DPP10: variants seen among roughly 807,000 people sequenced by gnomAD.
DPP10 encodes the protein inactive dipeptidyl peptidase 10.
DPP10 carries 33 observed loss-of-function variants against 120.9 expected under a neutral mutation model. The ratio of observed to expected loss-of-function variants is 0.27; its 90% confidence interval spans 0.21 to 0.37. DPP10 has a LOEUF of 0.37. Ranked by LOEUF, DPP10 falls within the 10% of genes least tolerant of loss-of-function variation. The probability of loss-of-function intolerance (pLI) is 1.00; values close to 1 mark genes in which losing one functional copy is unlikely to be tolerated. For synonymous variants in DPP10, 337 were observed against 326.1 expected, an observed-to-expected ratio of 1.03 and a Z score of -0.36; for missense variants, 816 against 942.8, an observed-to-expected ratio of 0.87 and a Z score of 1.76.
intron 5 of DPP10, among the ~76,000 whole-genome samples, chr2:115,630,499 T>G (rs1024746592): frequency 1.3e-5 from 2 of 152,036 alleles, no homozygotes; most frequent in Non-Finnish European, 2.9e-5. Flanking sequence ...GCAAGAGGAG[T>G]GTTTCCAGCT....
chr2:115,454,751 A>G (rs1043079000), intron 3 of DPP10, among the ~76,000 whole-genome samples: 7 of 151,726 alleles, frequency 4.6e-5, no homozygotes, highest in Non-Finnish European at 7.4e-5. Context: ...AAAAGCAATT[A>G]ACAGCACTCA....
intron 1 of DPP10, among the ~76,000 whole-genome samples, chr2:114,481,523 A>G (rs906251393): frequency 2.6e-5 from 4 of 152,188 alleles, no homozygotes; most frequent in African/African-American, 9.6e-5. Flanking sequence ...TTTGGCATTT[A>G]TCCCAGAGAA....
intron 1 of DPP10, among the ~76,000 whole-genome samples, chr2:114,954,215 G>A (rs1483649262): frequency 6.6e-6 from 1 of 151,186 alleles, no homozygotes; most frequent in African/African-American, 2.4e-5. Flanking sequence ...TGAGTAGCTG[G>A]GACTACAGGC....
At chr2:114,700,401 T>C (rs542761714) in intron 1 of DPP10, among the ~76,000 whole-genome samples, 20 of 152,266 alleles carry the variant, frequency 1.3e-4, no homozygotes, top group African/African-American at 4.8e-4. Context: ...TATAGAAATA[T>C]GTGTGTATGT....
chr2:115,833,923 C>G (rs1689183530), intron 21 of DPP10, among the ~76,000 whole-genome samples: 1 of 152,080 alleles, frequency 6.6e-6, no homozygotes, highest in African/African-American at 2.4e-5. Flanking sequence ...CTTACCCCAC[C>G]TTCTTATTTT....
intron 4 of DPP10, among the ~76,000 whole-genome samples, chr2:115,500,459 C>G (rs1346167831): frequency 6.6e-6 from 1 of 151,782 alleles, no homozygotes; most frequent in Admixed American, 6.6e-5. Context: ...TCTACTTGTA[C>G]ATTTAAAATA....
chr2:115,043,537 T>C (rs1260396825), intron 1 of DPP10, among the ~76,000 whole-genome samples: 1 of 152,178 alleles, frequency 6.6e-6, no homozygotes, highest in Non-Finnish European at 1.5e-5. Flanking sequence ...CTACCGTAAA[T>C]AACTACCACA....
At chr2:114,746,721 G>A (rs1407632955) in intron 1 of DPP10, among the ~76,000 whole-genome samples, 1 of 152,188 alleles carries the variant, frequency 6.6e-6, no homozygotes, top group South Asian at 2.1e-4. Flanking sequence ...CCAGGAAACA[G>A]ATTGTTGTTT....
chr2:114,866,112 AAAATAAATAAATAAAT>A (rs10650348), intron 1 of DPP10, among the ~76,000 whole-genome samples: 5 of 141,600 alleles, frequency 3.5e-5, no homozygotes, highest in African/African-American at 1.3e-4. Flanking sequence ...CTCTGTCTCA[AAAATAAATAAATAAAT>A]AAATAAATAA....
chr2:115,628,707 A>G (rs1208927174), intron 5 of DPP10, among the ~76,000 whole-genome samples: 11 of 151,964 alleles, frequency 7.2e-5, no homozygotes, highest in Non-Finnish European at 5.9e-5. Context: ...AGGTGTAAGG[A>G]GGGGTTCAGT....
chr2:114,973,660 T>TAAAAAAAAA, intron 1 of DPP10, among the ~76,000 whole-genome samples: 1 of 3,862 alleles, frequency 2.6e-4, no homozygotes, highest in Non-Finnish European at 5.5e-4. Flanking sequence ...AGACTCCGTC[T>TAAAAAAAAA]CAAAAAAAAA....
At chr2:115,755,795 T>A (rs1408309463) in intron 11 of DPP10, among the ~76,000 whole-genome samples, 1 of 152,032 alleles carries the variant, frequency 6.6e-6, no homozygotes, top group Non-Finnish European at 1.5e-5. Flanking sequence ...CACACCTGCA[T>A]CTGATGTTTA....
intron 1 of DPP10, among the ~76,000 whole-genome samples, chr2:114,950,980 C>T (rs181881186): frequency 1.6e-3 from 237 of 152,164 alleles, no homozygotes; most frequent in African/African-American, 5.2e-3. Flanking sequence ...CAAGATACAG[C>T]GCTACAATGA....
At chr2:115,587,954 C>A (rs183309944) in intron 5 of DPP10, among the ~76,000 whole-genome samples, 1 of 152,244 alleles carries the variant, frequency 6.6e-6, no homozygotes, top group Non-Finnish European at 1.5e-5. Context: ...ACAATTATTA[C>A]TCTAAGATCC....
intron 1 of DPP10, among the ~76,000 whole-genome samples, chr2:114,778,783 A>G (rs140746458): frequency 7.9e-5 from 12 of 152,206 alleles, no homozygotes; most frequent in Admixed American, 6.5e-4. Context: ...GTCCACCTAT[A>G]TGCTCTGATG....
At chr2:114,822,599 A>T (rs573074814) in intron 1 of DPP10, among the ~76,000 whole-genome samples, 2 of 151,706 alleles carry the variant, frequency 1.3e-5, no homozygotes, top group African/African-American at 4.8e-5. Context: ...GCCAGGCTGC[A>T]AATTTTCCAA....
intron 1 of DPP10, among the ~76,000 whole-genome samples, chr2:114,905,656 T>C (rs1693906002): frequency 6.6e-6 from 1 of 152,138 alleles, no homozygotes; most frequent in South Asian, 2.1e-4. Context: ...AAAACAAATA[T>C]CATTTAACCT....
At chr2:114,569,579 GA>G (rs1243900514) in intron 1 of DPP10, among the ~76,000 whole-genome samples, 1 of 152,150 alleles carries the variant, frequency 6.6e-6, no homozygotes, top group Non-Finnish European at 1.5e-5. Flanking sequence ...GCCCAACAAT[GA>G]GGCCCATCAG....
At chr2:114,925,904 G>T (rs1695585059) in intron 1 of DPP10, among the ~76,000 whole-genome samples, 1 of 152,204 alleles carries the variant, frequency 6.6e-6, no homozygotes, top group African/African-American at 2.4e-5. Context: ...CAAGCAGACA[G>T]TCTGACAAGC....
Sources: gnomAD v4.1 joint callset for allele counts (sites outside exome capture counted in the v4.1 genomes callset) on GRCh38, gnomAD v4.1.1 for gene constraint, MANE v1.5 for transcripts, NCBI Gene and HGNC (gene_info 2026-07-23, HGNC 2026-07-21) for gene names.